Variants in NEBL observed in about 807,000 individuals in gnomAD.
NEBL encodes the protein nebulette, also known as LIM and SH3 protein 2.
A neutral mutation model predicts 140.2 loss-of-function variants in NEBL; 122 were observed. The observed-to-expected ratio is 0.87, with a 90% confidence interval of 0.75 to 1.01. The LOEUF is 1.01. Among genes scored for constraint, NEBL ranks in the 50% least tolerant of loss-of-function variants. The probability of loss-of-function intolerance (pLI) is 0.00; values close to 1 mark genes in which losing one functional copy is unlikely to be tolerated. For synonymous variants in NEBL, 436 were observed against 398.9 expected, an observed-to-expected ratio of 1.09 and a Z score of -1.11; for missense variants, 1,365 against 1,231.3, an observed-to-expected ratio of 1.11 and a Z score of -1.62.
intron 4 of NEBL, among the ~76,000 whole-genome samples, chr10:20,949,847 C>T (rs905086720): frequency 1.8e-4 from 28 of 151,684 alleles, no homozygotes; most frequent in African/African-American, 5.3e-4. Context: ...TACTGATAGG[C>T]AAATAGTGAA....
At chr10:20,952,904 C>CAAAAAAAAAAAAAAAA (rs34713711) in intron 4 of NEBL, among the ~76,000 whole-genome samples, 2 of 62,316 alleles carry the variant, frequency 3.2e-5, no homozygotes, top group Non-Finnish European at 5.5e-5. Flanking sequence ...GACCCTGTCT[C>CAAAAAAAAAAAAAAAA]AAAAAAAAAA....
intron 1 of NEBL, among the ~76,000 whole-genome samples, chr10:21,272,998 C>A (rs1842877243): frequency 6.6e-6 from 1 of 152,090 alleles, no homozygotes; most frequent in African/African-American, 2.4e-5. Context: ...CCGCCCCAAC[C>A]AAAACAAACA....
At chr10:21,267,286 G>GT (rs1486737815) in intron 1 of NEBL, among the ~76,000 whole-genome samples, 1 of 151,316 alleles carries the variant, frequency 6.6e-6, no homozygotes, top group East Asian at 1.9e-4. Flanking sequence ...TCTAATTTTT[G>GT]TTTTTTCAGT....
upstream of NEBL, among the ~76,000 whole-genome samples, chr10:20,901,133 G>T (rs888918319): frequency 6.6e-6 from 1 of 152,104 alleles, no homozygotes; most frequent in East Asian, 1.9e-4. Flanking sequence ...GGCATGAAAA[G>T]GTCTTCTCAT....
chr10:20,809,950 G>GAA (rs200571909), intron 24 of NEBL, 52 bp from the exon 25 acceptor site: 110,065 of 658,018 alleles, frequency 0.17, 4,673 homozygotes, highest in South Asian at 0.21. Context: ...TTTAAAAAAG[G>GAA]AAAAAAAAAA....
intron 3 of NEBL, among the ~76,000 whole-genome samples, chr10:21,203,529 C>T (rs185429429): frequency 4.4e-4 from 67 of 152,270 alleles, no homozygotes; most frequent in Admixed American, 8.5e-4. Flanking sequence ...GGTGGAACAG[C>T]AGCAAATGCT....
At chr10:21,027,480 A>G (rs545866753) in intron 2 of NEBL, among the ~76,000 whole-genome samples, 1 of 152,040 alleles carries the variant, frequency 6.6e-6, no homozygotes, top group African/African-American at 2.4e-5. Context: ...GGCAACTGCC[A>G]CCATGTCAGG....
intron 16 of NEBL, among the ~76,000 whole-genome samples, chr10:20,829,549 C>T (rs952704262): frequency 1.7e-4 from 26 of 151,548 alleles, no homozygotes; most frequent in African/African-American, 6.3e-4. Context: ...AACTAACCTG[C>T]ACATTGTACA....
intron 3 of NEBL, among the ~76,000 whole-genome samples, chr10:21,013,570 T>A (rs549006036): frequency 6.6e-6 from 1 of 152,206 alleles, no homozygotes; most frequent in Admixed American, 6.5e-5. Flanking sequence ...TCTGAAGTTG[T>A]CCAATGAGAT....
chr10:21,258,453 C>A (rs1176157888), intron 1 of NEBL, among the ~76,000 whole-genome samples: 1 of 152,152 alleles, frequency 6.6e-6, no homozygotes, highest in Non-Finnish European at 1.5e-5. Flanking sequence ...ACCTGTAATC[C>A]CAGCACTTTG....
At chr10:20,895,051 T>C (rs1260455385) in intron 2 of NEBL, among the ~76,000 whole-genome samples, 1 of 152,010 alleles carries the variant, frequency 6.6e-6, no homozygotes, top group African/African-American at 2.4e-5. Context: ...TCATTTTACC[T>C]ACGTGGGTGT....
In NEBL at chr10:20,826,704, C is replaced by A. The variant is rs71578944; in HGVS notation, c.1777-165G>T. ...AAATTAAATAATCCATTCAGATAAT[C>A]CATGAAAACTTTGGTTTTATATCCC... On this transcript the variant is annotated intron_variant, in intron 17 of 27. Transcript: ENST00000377122. Among the ~76,000 whole-genome samples, 236 of 152,262 alleles carry A rather than the reference C, an allele frequency of 1.5e-3. 1 individual carries two copies. Among genetic ancestry groups the A allele is most frequent in the Non-Finnish European group, 2.6e-3 (180 of 68,024 alleles).
intron 3 of NEBL, among the ~76,000 whole-genome samples, chr10:21,184,641 A>G (rs961560864): frequency 6.6e-6 from 1 of 152,230 alleles, no homozygotes; most frequent in Non-Finnish European, 1.5e-5. Context: ...CAATAAAAAT[A>G]GGTATCAAAG....
chr10:21,179,223 C>T (rs747648880), upstream of NEBL, among the ~76,000 whole-genome samples: 6 of 152,176 alleles, frequency 3.9e-5, no homozygotes, highest in Non-Finnish European at 8.8e-5. Context: ...GACCTGCTGC[C>T]TCATCGTTAT....
At position 21,129,235 on chromosome 10, in the gene NEBL, C is replaced by T. The variant is rs373507766; in HGVS notation, c.164+43148G>A. On this transcript the variant is annotated intron_variant, in intron 2 of 6. Transcript: ENST00000417816. ...AAAGAAAGTACATTTTTTTAAAAGG[C>T]GTAAGTAGAGGTAAAATTAAAAAAT... 4.0e-5 allele frequency among the ~76,000 whole-genome samples: 6 copies of T among 151,536 alleles called. No individual in the cohort carries two copies. The South Asian group carries it at 6.2e-4, about 16-fold the overall frequency.
At chr10:20,923,081 T>C (rs1833672114) in intron 4 of NEBL, among the ~76,000 whole-genome samples, 1 of 152,130 alleles carries the variant, frequency 6.6e-6, no homozygotes. Context: ...TTTTCTTTTC[T>C]TTTATGAGAC....
chr10:20,968,257 G>A (rs556025156), intron 3 of NEBL, among the ~76,000 whole-genome samples: 36 of 152,054 alleles, frequency 2.4e-4, no homozygotes, highest in African/African-American at 8.7e-4. Context: ...GCAATTGCAG[G>A]ACTTTGGGAG....
At chr10:21,029,806 A>T (rs1436498382) in intron 2 of NEBL, 10 of 727,222 alleles carry the variant, frequency 1.4e-5, no homozygotes, top group Non-Finnish European at 2.3e-5. Context: ...ACTATGCTAG[A>T]GGCTATCATT....
intron 1 of NEBL, chr10:21,172,532 G>A (rs1589311981): frequency 7.3e-7 from 1 of 1,360,886 alleles, no homozygotes; most frequent in Non-Finnish European, 1.0e-6. Context: ...TTCTCACCAG[G>A]ATGGGCACAG....
Sources: gnomAD v4.1 joint callset for allele counts (sites outside exome capture counted in the v4.1 genomes callset) on GRCh38, gnomAD v4.1.1 for gene constraint, MANE v1.5 for transcripts, NCBI Gene and HGNC (gene_info 2026-07-23, HGNC 2026-07-21) for gene names.